The following SI variants were observed in gnomAD, a reference collection of about 807,000 sequenced individuals.
SI encodes sucrase-isomaltase, intestinal.
In SI, 235 loss-of-function variants were observed where a neutral mutation model predicts 253.3. The observed-to-expected ratio is 0.93, with a 90% CI of 0.83 to 1.03. The LOEUF is 1.03. Among genes scored for constraint, SI ranks in the 50% least tolerant of loss-of-function variants. The probability of loss-of-function intolerance (pLI) is 0.00; values close to 1 mark genes in which losing one functional copy is unlikely to be tolerated. For missense variants in SI, 2,442 were observed against 2,211.1 expected, an observed-to-expected ratio of 1.10 and a Z score of -2.09; for synonymous variants, 819 against 712.0, an observed-to-expected ratio of 1.15 and a Z score of -2.39.
intron 26 of SI, 125 bp from the exon 27 acceptor site, chr3:165,021,508 T>A: frequency 1.3e-6 from 1 of 775,210 alleles, no homozygotes; most frequent in Non-Finnish European, 2.2e-6. Context: ...AATTTCTAAT[T>A]CTACATTCAT....
chr3:165,072,235 A>G (rs966938822), intron 3 of SI, among the ~76,000 whole-genome samples: 2 of 152,078 alleles, frequency 1.3e-5, no homozygotes, highest in Non-Finnish European at 2.9e-5. Flanking sequence ...TGGAACAAAT[A>G]ATATTTAGTC....
chr3:165,038,040 T>A lies in SI; in HGVS notation c.2302-16A>T. 1 of 1,574,474 alleles carries A rather than the reference T, an allele frequency of 6.4e-7. No homozygotes were observed. The highest frequency in any genetic ancestry group is 8.7e-7 in the Non-Finnish European group (1 of 1,145,164). ...TTTTTGCACCCTAATAATTGGAAGA[T>A]TAAAAACATTCTTAATATTATTGAA... On this transcript the variant is annotated splice_polypyrimidine_tract_variant and intron_variant, in intron 20 of 47. Transcript: ENST00000264382.
At chr3:165,082,921 G>A (rs1033132871), upstream of SI, among the ~76,000 whole-genome samples, 3 of 151,904 alleles carry the variant, frequency 2.0e-5, no homozygotes, top group African/African-American at 7.2e-5. Context: ...TGGCTATAGA[G>A]GCTAGAGAAA....
intron 44 of SI, among the ~76,000 whole-genome samples, chr3:164,989,373 GA>G (rs1338281069): frequency 1.3e-4 from 16 of 120,612 alleles, no homozygotes; most frequent in African/African-American, 5.5e-4. Flanking sequence ...AGAAAGAAAG[GA>G]AGAAAGAAAG....
rs780836481 is a variant in SI, at chr3:165,068,807, A to G, written c.398T>C (p.Ile133Thr). 1 of 1,610,158 alleles carries G rather than the reference A, an allele frequency of 6.2e-7. No individual in the cohort carries two copies. Among genetic ancestry groups the G allele is most frequent in the African/African-American group, 1.4e-5 (1 of 74,002 alleles). Reference sequence around the variant, plus strand: ...ATTTCCAAATAGTGTAGGTGAAGGTATCCTGTTTAATTTGGCTTCAACTCC... The same window carrying G: ...ATTTCCAAATAGTGTAGGTGAAGGTGTCCTGTTTAATTTGGCTTCAACTCC... ...SIGVEAKLNR[I>T]PSPTLFGNDI... Residue 133 changes from isoleucine (I) to threonine (T), a missense_variant, in exon 5 of 48, where the codon ATA (isoleucine) becomes ACA (threonine). Ile to Thr is a moderately conservative substitution (Grantham distance 89). Coordinates refer to ENST00000264382, the MANE Select transcript of SI (RefSeq NM_001041.4).
intron 9 of SI, among the ~76,000 whole-genome samples, chr3:165,060,726 G>A (rs973397938): frequency 6.8e-6 from 1 of 146,702 alleles, no homozygotes; most frequent in South Asian, 2.1e-4. Flanking sequence ...GATGTAACTG[G>A]TGTTTTTTTT....
intron 8 of SI, among the ~76,000 whole-genome samples, 187 bp from the exon 9 acceptor site, chr3:165,062,670 G>A (rs1175422080): frequency 6.6e-6 from 1 of 152,020 alleles, no homozygotes; most frequent in Admixed American, 6.6e-5. Context: ...ACATGTCTGA[G>A]GCTTATAATA....
chr3:165,076,159 C>A, intron 1 of SI, 147 bp from the exon 2 acceptor site: 1 of 524,356 alleles, frequency 1.9e-6, no homozygotes, highest in Non-Finnish European at 3.1e-6. Context: ...CTAAATTAAG[C>A]ACTTACTTAA....
intron 32 of SI, among the ~76,000 whole-genome samples, 181 bp from the exon 33 acceptor site, chr3:165,015,414 A>G (rs1454254114): frequency 1.3e-5 from 2 of 152,112 alleles, no homozygotes; most frequent in African/African-American, 2.4e-5. Flanking sequence ...CTTAGAAGGA[A>G]ATTCTAAGGA....
chr3:165,014,409 C>G (rs1316670992), intron 33 of SI, among the ~76,000 whole-genome samples: 1 of 152,030 alleles, frequency 6.6e-6, no homozygotes, highest in East Asian at 1.9e-4. Flanking sequence ...CCACCATGCC[C>G]TTCTAATTTT....
Position 164,983,068 on chromosome 3 carries a change from A to T in SI, c.5198-17T>A. 1 of 1,539,112 alleles carries T rather than the reference A, an allele frequency of 6.5e-7. No homozygotes were observed. The highest frequency in any genetic ancestry group is 8.9e-7 in the Non-Finnish European group (1 of 1,120,630). On this transcript the variant is annotated splice_polypyrimidine_tract_variant and intron_variant, in intron 45 of 47. Transcript: ENST00000264382. Reference sequence around the variant, plus strand: ...CATAGGTGTCTGTAGAGAGAGAAAAAAAATGTGATATATTGTTATTTCCAA... The same window carrying T: ...CATAGGTGTCTGTAGAGAGAGAAAATAAATGTGATATATTGTTATTTCCAA...
chr3:164,991,548 G>GATAT, intron 43 of SI, 71 bp from the exon 44 acceptor site: 1 of 1,488,146 alleles, frequency 6.7e-7, no homozygotes, highest in Non-Finnish European at 9.4e-7. Flanking sequence ...GGTAGTTGAG[G>GATAT]ATATACATTT....
chr3:165,050,978 T>C (rs183200473), intron 13 of SI, among the ~76,000 whole-genome samples: 1 of 152,188 alleles, frequency 6.6e-6, no homozygotes, highest in Non-Finnish European at 1.5e-5. Flanking sequence ...TAATATTTAT[T>C]AACAGATTAG....
At chr3:165,069,749 G>A (rs1714437096) in intron 3 of SI, among the ~76,000 whole-genome samples, 1 of 151,792 alleles carries the variant, frequency 6.6e-6, no homozygotes, top group South Asian at 2.1e-4. Flanking sequence ...GCAAAATACT[G>A]AATTCTCAGT....
At chr3:164,996,458 C>A (rs1576874264) in intron 40 of SI, 77 bp downstream of exon 40, 1 of 876,282 alleles carries the variant, frequency 1.1e-6, no homozygotes, top group Admixed American at 1.7e-5. Flanking sequence ...ACCAGCTAAC[C>A]AAGCCATGTA....
chr3:165,051,186 T>C (rs1398937956), intron 13 of SI, among the ~76,000 whole-genome samples: 2 of 152,066 alleles, frequency 1.3e-5, no homozygotes, highest in African/African-American at 4.8e-5. Flanking sequence ...TGATTATTCA[T>C]CTCTATTATT....
At chr3:165,005,266 A>C (rs1718449045) in intron 37 of SI, among the ~76,000 whole-genome samples, 3 of 148,838 alleles carry the variant, frequency 2.0e-5, no homozygotes, top group Non-Finnish European at 4.5e-5. Flanking sequence ...GTTAGAAAGA[A>C]TGAATAATAT....
intron 41 of SI, 47 bp from the exon 42 acceptor site, chr3:164,992,444 T>A: frequency 8.2e-7 from 1 of 1,221,160 alleles, no homozygotes; most frequent in Non-Finnish European, 1.2e-6. Flanking sequence ...AATAACTTTC[T>A]TCTGAATACC....
intron 2 of SI, among the ~76,000 whole-genome samples, chr3:165,074,905 A>G (rs71302514): frequency 2.0e-5 from 3 of 152,060 alleles, no homozygotes; most frequent in African/African-American, 7.2e-5. Context: ...CTGAAGAAAT[A>G]CAAAATATAT....
Sources: allele counts gnomAD v4.1 joint callset (sites outside exome capture counted in the v4.1 genomes callset), GRCh38; gene constraint gnomAD v4.1.1; transcripts MANE v1.5; gene names NCBI Gene and HGNC (gene_info 2026-07-23, HGNC 2026-07-21).